Variants in ADGRB3 observed in about 807,000 individuals in gnomAD.
The protein encoded by ADGRB3 is brain-specific angiogenesis inhibitor 3.
ADGRB3 carries 37 observed loss-of-function variants against 193.4 expected under a neutral mutation model. The ratio of observed to expected loss-of-function variants is 0.19; its 90% confidence interval spans 0.15 to 0.25. ADGRB3 has a LOEUF of 0.25. Ranked by LOEUF, ADGRB3 falls within the 10% of genes least tolerant of loss-of-function variation. The pLI is 1.00. For synonymous variants in ADGRB3, 690 were observed against 644.2 expected (o/e 1.07, Z -1.08); for missense variants, 1,637 against 1,852.9 (o/e 0.88, Z 2.14).
chr6:69,314,169 C>T (rs1171422163), intron 20 of ADGRB3, among the ~76,000 whole-genome samples: 4 of 151,592 alleles, frequency 2.6e-5, no homozygotes, highest in Non-Finnish European at 4.4e-5. Flanking sequence ...TCAGATTTTC[C>T]TGTTATGTGT....
Position 68,772,894 on chromosome 6 carries a change from AATATATATATATATATAT to A in ADGRB3, c.757+133484_757+133501del, listed in dbSNP as rs1208790675. 3.6e-3 allele frequency among the ~76,000 whole-genome samples: 82 copies of A among 22,884 alleles called. 4 individuals are homozygous for A. The highest frequency in any genetic ancestry group is 0.013 in the African/African-American group (65 of 5,132). 15.0% of individuals were successfully genotyped at this position (22,884 alleles called of 152,430 possible). ...ACAAACAAACAAACAAAAAAAAAAA[AATATATATATATATATAT>A]ATATATATATATATATATATACATA... On this transcript the variant is annotated intron_variant, in intron 3 of 31. Transcript: ENST00000370598.
At chr6:69,068,570 T>C (rs1415983277) in intron 16 of ADGRB3, among the ~76,000 whole-genome samples, 1 of 152,164 alleles carries the variant, frequency 6.6e-6, no homozygotes, top group Non-Finnish European at 1.5e-5. Flanking sequence ...GTGGAGGCAA[T>C]GATTTTCTTT....
At position 69,173,279 on chromosome 6, in the gene ADGRB3, C is replaced by T. The variant is rs192750102; in HGVS notation, c.2481-60011C>T. Among the ~76,000 whole-genome samples, 971 of 152,284 alleles carry T rather than the reference C, an allele frequency of 6.4e-3. 32 individuals are homozygous for T. The highest frequency in any genetic ancestry group is 0.041 in the Admixed American group (630 of 15,294). ...TCTCGAACTCCTGACCTCAGGTGAT[C>T]CACCCACCTCGGCCTCCCAAAGTCC... On this transcript the variant is annotated intron_variant, in intron 17 of 31. Coordinates refer to ENST00000370598, the MANE Select transcript of ADGRB3 (RefSeq NM_001704.3).
rs1411335969 is a variant in ADGRB3, at chr6:69,042,163, T to G, written c.2108-6022T>G. 2.0e-5 allele frequency among the ~76,000 whole-genome samples: 3 copies of G among 152,346 alleles called. No homozygotes were observed. The East Asian group carries it at 5.8e-4, about 29-fold the overall frequency. ...GAAGGACATGCATGTTTGCTTCCCT[T>G]TCTGCCATGATTGTAAGTTTCCTGA... is the stretch of plus-strand genomic sequence containing the variant. On this transcript the variant is annotated intron_variant, in intron 13 of 31. Transcript: ENST00000370598.
chr6:69,297,410 C>CTCTATATATA (rs1554192101), intron 20 of ADGRB3, among the ~76,000 whole-genome samples: 101 of 128,298 alleles, frequency 7.9e-4, no homozygotes, highest in African/African-American at 2.8e-3. Flanking sequence ...CTCTCTCTCT[C>CTCTATATATA]TATATATATA....
chr6:68,741,584 C>T (rs1765983314), intron 3 of ADGRB3, among the ~76,000 whole-genome samples: 1 of 152,124 alleles, frequency 6.6e-6, no homozygotes, highest in Non-Finnish European at 1.5e-5. Context: ...GGCAGGGTTT[C>T]ACTGTATTGC....
intron 3 of ADGRB3, among the ~76,000 whole-genome samples, chr6:68,764,218 C>T (rs1766466432): frequency 6.6e-6 from 1 of 151,984 alleles, no homozygotes; most frequent in Non-Finnish European, 1.5e-5. Flanking sequence ...AATGAGATTC[C>T]AGGACAAGTA....
chr6:68,659,280 TCAAAA>T (rs1269488901), intron 3 of ADGRB3, among the ~76,000 whole-genome samples: 1 of 150,464 alleles, frequency 6.6e-6, no homozygotes, highest in Admixed American at 6.6e-5. Context: ...GAGGAACTAA[TCAAAA>T]CAAAATTATT....
At chr6:69,221,524 G>A (rs1019145832) in intron 17 of ADGRB3, among the ~76,000 whole-genome samples, 1 of 151,938 alleles carries the variant, frequency 6.6e-6, no homozygotes, top group Admixed American at 6.6e-5. Context: ...CTTCTTCTGT[G>A]AACGCTTGTC....
chr6:68,930,254 G>A (rs1403063879), intron 3 of ADGRB3, among the ~76,000 whole-genome samples: 1 of 151,960 alleles, frequency 6.6e-6, no homozygotes, highest in Non-Finnish European at 1.5e-5. Flanking sequence ...CACTGTGGTT[G>A]TATTTTTTTC....
chr6:69,370,436 T>C (rs755646343), intron 29 of ADGRB3, among the ~76,000 whole-genome samples: 10 of 152,160 alleles, frequency 6.6e-5, no homozygotes, highest in Non-Finnish European at 1.2e-4. Flanking sequence ...CTTTAGGTTC[T>C]TTTGATTAAA....
At chr6:68,943,613 T>C (rs1767698592) in intron 5 of ADGRB3, among the ~76,000 whole-genome samples, 1 of 152,186 alleles carries the variant, frequency 6.6e-6, no homozygotes, top group Non-Finnish European at 1.5e-5. Context: ...GAATTACTGT[T>C]CAAATGTAGA....
At chr6:69,097,692 A>ATG (rs1383008339) in intron 17 of ADGRB3, among the ~76,000 whole-genome samples, 2 of 148,160 alleles carry the variant, frequency 1.3e-5, no homozygotes, top group Non-Finnish European at 3.0e-5. Context: ...ATGTGTGTGT[A>ATG]TATATGTGTG....
At chr6:69,201,581 A>G (rs1257006464) in intron 17 of ADGRB3, among the ~76,000 whole-genome samples, 1 of 151,922 alleles carries the variant, frequency 6.6e-6, no homozygotes, top group Admixed American at 6.6e-5. Flanking sequence ...CTTACATTTT[A>G]TTGATTCAAA....
intron 8 of ADGRB3, among the ~76,000 whole-genome samples, chr6:68,961,295 A>G (rs1181286888): frequency 2.0e-5 from 3 of 152,140 alleles, no homozygotes; most frequent in Admixed American, 6.6e-5. Flanking sequence ...CTTGGGTATC[A>G]TTTGAACAAG....
chr6:69,340,554 G>A (rs1768952833), intron 26 of ADGRB3, among the ~76,000 whole-genome samples: 1 of 152,170 alleles, frequency 6.6e-6, no homozygotes, highest in Non-Finnish European at 1.5e-5. Flanking sequence ...GTGATGTGCA[G>A]AGATAACTAG....
chr6:68,817,340 TATATATATATATA>T (rs1767656043), intron 3 of ADGRB3, among the ~76,000 whole-genome samples: 2 of 110,804 alleles, frequency 1.8e-5, no homozygotes, highest in African/African-American at 9.2e-5. Context: ...TATATATATA[TATATATATATATA>T]TATATATAAT....
intron 30 of ADGRB3, 45 bp downstream of exon 30, chr6:69,372,486 A>G: frequency 9.4e-7 from 1 of 1,063,774 alleles, no homozygotes; most frequent in African/African-American, 1.6e-5. Flanking sequence ...ACTTGAATTC[A>G]AAATAGATAT....
intron 17 of ADGRB3, among the ~76,000 whole-genome samples, chr6:69,092,288 C>T (rs529515784): frequency 6.6e-6 from 1 of 152,270 alleles, no homozygotes; most frequent in African/African-American, 2.4e-5. Context: ...CAGATCATTT[C>T]CATTGTCTAT....
Sources: gnomAD v4.1 joint callset for allele counts (sites outside exome capture counted in the v4.1 genomes callset) on GRCh38, gnomAD v4.1.1 for gene constraint, MANE v1.5 for transcripts, NCBI Gene and HGNC (gene_info 2026-07-23, HGNC 2026-07-21) for gene names.